The following ADAMTSL1 variants were observed in gnomAD, a reference collection of about 807,000 sequenced individuals.
ADAMTSL1 encodes the protein ADAMTS like 1.
Under a neutral mutation model 201.8 loss-of-function variants are expected in ADAMTSL1, and 126 were observed. The observed-to-expected ratio is 0.62, with a 90% CI of 0.54 to 0.72. The LOEUF is 0.72. Ranked by LOEUF, ADAMTSL1 falls within the 30% of genes least tolerant of loss-of-function variation. The pLI, the probability that ADAMTSL1 is intolerant of heterozygous loss-of-function variation, is 0.00. For missense variants in ADAMTSL1, 2,679 were observed against 2,277.8 expected (o/e 1.18, Z -3.59); for synonymous variants, 1,121 against 903.4 (o/e 1.24, Z -4.32).
At chr9:18,816,310 C>T (rs1420607368) in intron 20 of ADAMTSL1, among the ~76,000 whole-genome samples, 1 of 152,196 alleles carries the variant, frequency 6.6e-6, no homozygotes, top group Non-Finnish European at 1.5e-5. Context: ...GACCTCGGCT[C>T]ATTGCACCTT....
chr9:18,010,209 GAT>G (rs760096750), intron 1 of ADAMTSL1, among the ~76,000 whole-genome samples: 1 of 151,992 alleles, frequency 6.6e-6, no homozygotes, highest in Admixed American at 6.6e-5. Flanking sequence ...TGTTAAGGCA[GAT>G]TCTTAAAGTT....
intron 28 of ADAMTSL1, 70 bp from the exon 29 acceptor site, chr9:18,908,372 G>C: frequency 7.5e-7 from 1 of 1,332,750 alleles, no homozygotes; most frequent in Non-Finnish European, 1.0e-6. Context: ...CCTCACACAG[G>C]CTGCGTTCAT....
Position 18,787,101 on chromosome 9 carries a change from A to G in ADAMTSL1, c.3678-8296A>G, listed in dbSNP as rs549765678. ...TGAAATGCAGTTTCCAAGTTTGCAG[A>G]TAATATAAAAACTAGAGGCAGGGAA... On this transcript the variant is annotated intron_variant, in intron 19 of 28. Transcript: ENST00000380548. Among the ~76,000 whole-genome samples the G allele has an allele frequency of 2.0e-5, 3 of 152,342 alleles. No homozygotes were observed. The South Asian group carries it at 6.2e-4, about 32-fold the overall frequency.
intron 1 of ADAMTSL1, among the ~76,000 whole-genome samples, chr9:18,037,457 T>C (rs1248633783): frequency 6.6e-6 from 1 of 152,212 alleles, no homozygotes; most frequent in Admixed American, 6.5e-5. Flanking sequence ...GTTGATCTAT[T>C]GCTTAACTTC....
intron 2 of ADAMTSL1, among the ~76,000 whole-genome samples, chr9:18,395,513 A>T (rs1055090942): frequency 2.0e-5 from 3 of 152,228 alleles, no homozygotes; most frequent in African/African-American, 7.2e-5. Flanking sequence ...GAGGATTTGC[A>T]CTTTGTATGA....
chr9:18,831,147 T>A lies in ADAMTSL1; in HGVS notation c.4249+1170T>A, dbSNP rs1434390034. Among the ~76,000 whole-genome samples, 3 of 152,210 alleles carry A rather than the reference T, an allele frequency of 2.0e-5. No individual in the cohort carries two copies. The East Asian group carries it at 5.8e-4, about 29-fold the overall frequency. On this transcript the variant is annotated intron_variant, in intron 23 of 28. Coordinates refer to ENST00000380548, the MANE Select transcript of ADAMTSL1 (RefSeq NM_001040272.6). ...CACAGCTTATCAGCATATGGAAAAA[T>A]CTGATTTCTCTATTTTTGACTTGAG... is the stretch of plus-strand genomic sequence containing the variant.
chr9:18,484,946 G>A (rs893984138), intron 1 of ADAMTSL1, among the ~76,000 whole-genome samples: 8 of 152,250 alleles, frequency 5.3e-5, no homozygotes, highest in African/African-American at 1.4e-4. Flanking sequence ...AACTAAGGAC[G>A]CTAATAAAAT....
At chr9:18,196,574 T>C (rs1275359971) in intron 2 of ADAMTSL1, among the ~76,000 whole-genome samples, 3 of 152,194 alleles carry the variant, frequency 2.0e-5, no homozygotes, top group Admixed American at 1.3e-4. Context: ...TTTTCAGCTT[T>C]TGATAGTCTC....
chr9:18,173,265 CAT>C (rs1411541401), intron 2 of ADAMTSL1, among the ~76,000 whole-genome samples: 2 of 152,002 alleles, frequency 1.3e-5, no homozygotes, highest in Non-Finnish European at 2.9e-5. Context: ...ATCACTGAAA[CAT>C]AAAGTGACAA....
At position 18,781,241 on chromosome 9, in the gene ADAMTSL1, G is replaced by A. The variant is rs548208173; in HGVS notation, c.3677+3335G>A. On this transcript the variant is annotated intron_variant, in intron 19 of 28. Coordinates refer to ENST00000380548, the MANE Select transcript of ADAMTSL1 (RefSeq NM_001040272.6). The stretch of plus-strand genomic sequence containing the variant: ...TGGATTCTCCATCATCCAGGACATC[G>A]TTGTGGGGGAGGGTAGCACTAAGAG... Among the ~76,000 whole-genome samples, 10 of 152,296 alleles carry A rather than the reference G, an allele frequency of 6.6e-5. 3 individuals carry two copies. Among genetic ancestry groups the A allele is most frequent in the African/African-American group, 2.4e-4 (10 of 41,568 alleles).
intron 2 of ADAMTSL1, among the ~76,000 whole-genome samples, chr9:18,221,201 T>C (rs1830246123): frequency 6.6e-6 from 1 of 152,224 alleles, no homozygotes; most frequent in Non-Finnish European, 1.5e-5. Flanking sequence ...GTTTTTTGGT[T>C]TTGCTTTGTT....
rs866908506 is a variant in ADAMTSL1, at chr9:18,820,090, T to C, written c.3934+2853T>C. 2.6e-5 allele frequency among the ~76,000 whole-genome samples: 4 copies of C among 152,240 alleles called. No homozygotes were observed. In the South Asian group the frequency reaches 8.3e-4, roughly 31 times the overall value. On this transcript the variant is annotated intron_variant, in intron 21 of 28. Transcript: ENST00000380548. ...ATAACACTGCCAGTAGGTAATACTC[T>C]AGCTTGAGAATTTGCAACCCAGATT...
chr9:18,508,911 G>A lies in ADAMTSL1; in HGVS notation c.191+3955G>A, dbSNP rs549323610. On this transcript the variant is annotated intron_variant, in intron 2 of 28. Coordinates refer to ENST00000380548, the MANE Select transcript of ADAMTSL1 (RefSeq NM_001040272.6). Reference sequence around the variant, plus strand: ...TATAATTTAGAAATAGAGGCCGGGCGCGGTGGCTCACGCCTGTAATCCCAG... The same window carrying A: ...TATAATTTAGAAATAGAGGCCGGGCACGGTGGCTCACGCCTGTAATCCCAG... Among the ~76,000 whole-genome samples, 35 of 142,300 alleles carry A rather than the reference G, an allele frequency of 2.5e-4. 5 individuals are homozygous for A. Among genetic ancestry groups the A allele is most frequent in the Non-Finnish European group, 4.5e-4 (29 of 65,054 alleles). The allele number at this position is 142,300 out of a possible 152,430, so 93.4% of individuals were successfully genotyped here.
intron 2 of ADAMTSL1, among the ~76,000 whole-genome samples, chr9:18,312,094 A>C (rs1270423575): frequency 1.3e-5 from 2 of 152,224 alleles, no homozygotes; most frequent in East Asian, 3.9e-4. Flanking sequence ...CAAATAGTTT[A>C]GTATAAAATA....
chr9:18,320,077 A>G (rs1834559745), intron 2 of ADAMTSL1, among the ~76,000 whole-genome samples: 1 of 152,052 alleles, frequency 6.6e-6, no homozygotes, highest in Non-Finnish European at 1.5e-5. Context: ...GCAAGGAGAC[A>G]GGGACGTTCA....
chr9:18,823,424 C>T (rs906775130), intron 21 of ADAMTSL1, among the ~76,000 whole-genome samples: 21 of 152,114 alleles, frequency 1.4e-4, no homozygotes, highest in South Asian at 8.3e-4. Context: ...AATTTTAGAA[C>T]GGCATGAGAT....
chr9:18,776,877 T>TG lies in ADAMTSL1; in HGVS notation c.2654dup (p.Phe886LeufsTer74), dbSNP rs772544179. Reference sequence around the variant, plus strand: ...AGGCAGAGGAAGCTGCACTTCGTGGTGGGGGGCTTCGCCTACCTGCTCCCC... The same window carrying TG: ...AGGCAGAGGAAGCTGCACTTCGTGGTGGGGGGGCTTCGCCTACCTGCTCCCC... On this transcript the variant is annotated frameshift_variant, in exon 19 of 29. Coordinates refer to ENST00000380548, the MANE Select transcript of ADAMTSL1 (RefSeq NM_001040272.6). LOFTEE classifies it high-confidence loss of function. 6.2e-7 allele frequency: 1 copy of TG among 1,611,422 alleles called. No homozygotes were observed. The highest frequency in any genetic ancestry group is 8.5e-7 in the Non-Finnish European group (1 of 1,179,280).
intron 1 of ADAMTSL1, among the ~76,000 whole-genome samples, chr9:17,921,789 C>T (rs551235509): frequency 3.3e-5 from 5 of 152,216 alleles, no homozygotes; most frequent in South Asian, 2.1e-4. Context: ...GAAGAGATTC[C>T]GTGCTCACTG....
rs114580423 is a variant in ADAMTSL1, at chr9:17,952,306, A to T, written c.87+45384A>T. Among the ~76,000 whole-genome samples the T allele has an allele frequency of 6.4e-3, 977 of 151,570 alleles. 11 individuals carry two copies. Among genetic ancestry groups the T allele is most frequent in the African/African-American group, 0.022 (925 of 41,300 alleles). On this transcript the variant is annotated intron_variant, in intron 1 of 29. Coordinates refer to the ADAMTSL1 transcript ENST00000680146. The stretch of plus-strand genomic sequence containing the variant: ...ATGTCCTATTTATGAACAAATTCCT[A>T]CCCTGAAATAATATTCTTATGAAGT...
Sources: gnomAD v4.1 joint callset for allele counts (sites outside exome capture counted in the v4.1 genomes callset) on GRCh38, gnomAD v4.1.1 for gene constraint, MANE v1.5 for transcripts, NCBI Gene and HGNC (gene_info 2026-07-23, HGNC 2026-07-21) for gene names.